Variants in CCDC102B observed in about 807,000 individuals in gnomAD.
The protein encoded by CCDC102B is coiled-coil domain-containing protein 102B.
In CCDC102B, 75 loss-of-function variants were observed where a neutral mutation model predicts 57.4. The observed-to-expected ratio is 1.31, with a 90% CI of 1.08 to 1.58. CCDC102B has a LOEUF of 1.58. Ranked by LOEUF, CCDC102B falls within the 40% of genes most tolerant of loss-of-function variation. CCDC102B has a pLI of 0.00. For synonymous variants in CCDC102B, 206 were observed against 201.9 expected (o/e 1.02, Z -0.17); for missense variants, 636 against 582.6 (o/e 1.09, Z -0.94).
intron 4 of CCDC102B, among the ~76,000 whole-genome samples, chr18:68,856,088 C>CT (rs1003683576): frequency 6.6e-6 from 1 of 151,996 alleles, no homozygotes; most frequent in Non-Finnish European, 1.5e-5. Flanking sequence ...GGCGCTATTT[C>CT]TTTTTTTACT....
chr18:68,942,241 A>G (rs1434489642), intron 6 of CCDC102B, among the ~76,000 whole-genome samples: 1 of 152,096 alleles, frequency 6.6e-6, no homozygotes, highest in African/African-American at 2.4e-5. Flanking sequence ...TTCTTAATGA[A>G]TTAGAAAGTT....
At chr18:69,020,783 A>G (rs1005729498) in intron 7 of CCDC102B, among the ~76,000 whole-genome samples, 2 of 152,196 alleles carry the variant, frequency 1.3e-5, no homozygotes, top group African/African-American at 4.8e-5. Context: ...TTGTACCAGT[A>G]AAATATAAAG....
intron 6 of CCDC102B, among the ~76,000 whole-genome samples, chr18:68,911,478 C>G (rs9965101): frequency 0.01 from 1,541 of 150,808 alleles, 33 homozygotes; most frequent in African/African-American, 0.033. Context: ...AAAGGCCGGG[C>G]GCGGTGGCTC....
At chr18:68,899,820 GA>G (rs1444476359) in intron 6 of CCDC102B, 1 of 152,026 alleles carries the variant, frequency 6.6e-6, no homozygotes, top group East Asian at 1.9e-4. Flanking sequence ...ATGGTATAGA[GA>G]ATGCATTTTT....
chr18:68,917,075 AGT>A lies in CCDC102B; in HGVS notation c.1263+19652_1263+19653del, dbSNP rs539816383. ...CTGGAATCAGAGCTCCAGGTGGAGAAGTGTGTTTCAACCTCCCATTGTTCATA... is the reference window on the plus strand; with the variant it reads ...CTGGAATCAGAGCTCCAGGTGGAGAAGTGTTTCAACCTCCCATTGTTCATA... On this transcript the variant is annotated intron_variant, in intron 6 of 7. Transcript: ENST00000360242. 5.9e-4 allele frequency among the ~76,000 whole-genome samples: 90 copies of A among 152,296 alleles called. 2 individuals are homozygous for A. In the South Asian group the frequency reaches 0.018, roughly 31 times the overall value.
chr18:68,842,451 C>T (rs967391256), intron 3 of CCDC102B, among the ~76,000 whole-genome samples: 1 of 152,108 alleles, frequency 6.6e-6, no homozygotes, highest in Non-Finnish European at 1.5e-5. Flanking sequence ...AGAGTCTACA[C>T]CTGTGCATAG....
At chr18:68,810,338 C>T (rs2036194750) in intron 1 of CCDC102B, among the ~76,000 whole-genome samples, 1 of 151,982 alleles carries the variant, frequency 6.6e-6, no homozygotes, top group East Asian at 1.9e-4. Context: ...CAGTCATTTG[C>T]ATATACACAC....
At position 68,907,348 on chromosome 18, in the gene CCDC102B, G is replaced by A. The variant is rs117836807; in HGVS notation, c.1263+9920G>A. Reference sequence around the variant, plus strand: ...CCATTTTTGCAAATAAAAAAAAAACGCCATTGGAATTTTCAGGGACTTCAC... The same window carrying A: ...CCATTTTTGCAAATAAAAAAAAAACACCATTGGAATTTTCAGGGACTTCAC... On this transcript the variant is annotated intron_variant, in intron 6 of 7. Transcript: ENST00000360242. 5.2e-3 allele frequency among the ~76,000 whole-genome samples: 791 copies of A among 151,302 alleles called. 2 individuals carry two copies. Among genetic ancestry groups the A allele is most frequent in the Middle Eastern group, 0.014 (4 of 294 alleles).
chr18:68,897,521 G>A, intron 6 of CCDC102B, 93 bp downstream of exon 6: 2 of 1,547,144 alleles, frequency 1.3e-6, no homozygotes, highest in South Asian at 1.1e-5. Context: ...CTCCACATTT[G>A]GATATTTCCT....
At chr18:68,863,276 C>T (rs1200088232) in intron 4 of CCDC102B, among the ~76,000 whole-genome samples, 1 of 151,554 alleles carries the variant, frequency 6.6e-6, no homozygotes, top group East Asian at 1.9e-4. Flanking sequence ...TTTTAATTTG[C>T]AATGCCCTAT....
chr18:68,917,367 G>T (rs1351657101), intron 6 of CCDC102B, among the ~76,000 whole-genome samples: 1 of 152,082 alleles, frequency 6.6e-6, no homozygotes, highest in African/African-American at 2.4e-5. Flanking sequence ...GGGAGTAGCT[G>T]TGCTCAGCAT....
chr18:68,920,267 A>C (rs2041229928), intron 6 of CCDC102B, among the ~76,000 whole-genome samples: 1 of 152,072 alleles, frequency 6.6e-6, no homozygotes, highest in African/African-American at 2.4e-5. Flanking sequence ...CCAACTTCAA[A>C]CTGTATTACA....
chr18:68,958,851 T>C (rs2086126914), intron 6 of CCDC102B, among the ~76,000 whole-genome samples: 1 of 152,192 alleles, frequency 6.6e-6, no homozygotes, highest in Non-Finnish European at 1.5e-5. Flanking sequence ...TGATTCTTTT[T>C]AGTTATTTTA....
intron 2 of CCDC102B, among the ~76,000 whole-genome samples, chr18:68,734,029 T>G (rs1326595275): frequency 6.6e-6 from 1 of 152,172 alleles, no homozygotes. Context: ...AGAATGAAGA[T>G]TTATCATGGA....
chr18:69,045,217 G>A lies in CCDC102B; in HGVS notation c.1435-8813G>A, dbSNP rs145823545. 6.6e-5 allele frequency among the ~76,000 whole-genome samples: 10 copies of A among 151,928 alleles called. No homozygotes were observed. In the East Asian group the frequency reaches 1.2e-3, roughly 18 times the overall value. On this transcript the variant is annotated intron_variant, in intron 7 of 7. Coordinates refer to ENST00000360242, the MANE Select transcript of CCDC102B (RefSeq NM_024781.3). ...GGGAACACAATTCAGTTCCTAAAAC[G>A]TATCAATAGTAAATTATTCATGAAG...
intron 6 of CCDC102B, among the ~76,000 whole-genome samples, chr18:68,968,200 T>G (rs1228817031): frequency 1.3e-5 from 2 of 152,292 alleles, no homozygotes; most frequent in South Asian, 4.1e-4. Flanking sequence ...CTACTACACA[T>G]GTAGGCCATA....
intron 6 of CCDC102B, among the ~76,000 whole-genome samples, chr18:68,986,330 G>A (rs1021875629): frequency 5.9e-5 from 9 of 152,124 alleles, no homozygotes; most frequent in South Asian, 2.1e-4. Context: ...GATGCAAGTC[G>A]GGTTCAAAAC....
intron 5 of CCDC102B, among the ~76,000 whole-genome samples, chr18:68,888,877 T>G (rs1396982587): frequency 6.6e-6 from 1 of 152,142 alleles, no homozygotes; most frequent in Non-Finnish European, 1.5e-5. Context: ...ATTCCTGAAT[T>G]TATTGTTTTC....
At chr18:68,772,651 T>C (rs1193113560) in intron 2 of CCDC102B, among the ~76,000 whole-genome samples, 1 of 152,190 alleles carries the variant, frequency 6.6e-6, no homozygotes, top group East Asian at 1.9e-4. Context: ...TATCTCTTGA[T>C]AAATTATTTA....
Sources: allele counts gnomAD v4.1 joint callset (sites outside exome capture counted in the v4.1 genomes callset), GRCh38; gene constraint gnomAD v4.1.1; transcripts MANE v1.5; gene names NCBI Gene and HGNC (gene_info 2026-07-23, HGNC 2026-07-21).